Variants in CADPS observed in about 807,000 individuals in gnomAD.
CADPS encodes the protein calcium-dependent secretion activator 1.
CADPS carries 57 observed loss-of-function variants against 167.3 expected under a neutral mutation model. That is an observed-to-expected ratio of 0.34 (90% CI 0.28 to 0.42). The LOEUF is 0.42. Among genes scored for constraint, CADPS ranks in the 20% least tolerant of loss-of-function variants. CADPS has a pLI of 1.00. For missense variants in CADPS, 1,414 were observed against 1,738.1 expected (o/e 0.81, Z 3.32); for synonymous variants, 676 against 635.3 (o/e 1.06, Z -0.96).
intron 6 of CADPS, among the ~76,000 whole-genome samples, chr3:62,633,166 C>T (rs936684158): frequency 1.3e-5 from 2 of 152,156 alleles, no homozygotes; most frequent in South Asian, 2.1e-4. Context: ...GGAAAAAGAG[C>T]GGACAATGGG....
intron 1 of CADPS, among the ~76,000 whole-genome samples, chr3:62,794,747 T>C (rs1477974395): frequency 6.8e-6 from 1 of 146,318 alleles, no homozygotes; most frequent in Non-Finnish European, 1.5e-5. Flanking sequence ...GAGAATCTGT[T>C]GTTCATGTTT....
chr3:62,750,269 T>A (rs1028020161), intron 3 of CADPS, among the ~76,000 whole-genome samples: 9 of 136,290 alleles, frequency 6.6e-5, no homozygotes, highest in African/African-American at 2.2e-4. Flanking sequence ...GAGAATTGCT[T>A]GAACCTGGGA....
At chr3:62,422,176 C>T (rs942321284) in intron 28 of CADPS, among the ~76,000 whole-genome samples, 30 of 152,198 alleles carry the variant, frequency 2.0e-4, no homozygotes, top group African/African-American at 7.2e-4. Context: ...ACGTCCACAT[C>T]CACTTACCCT....
chr3:62,619,156 T>C (rs2062787144), intron 6 of CADPS, among the ~76,000 whole-genome samples: 1 of 152,220 alleles, frequency 6.6e-6, no homozygotes, highest in African/African-American at 2.4e-5. Context: ...GCTTGCAAAG[T>C]TGAAGTATTT....
chr3:62,855,404 T>G (rs2079487018), intron 1 of CADPS, among the ~76,000 whole-genome samples: 1 of 152,120 alleles, frequency 6.6e-6, no homozygotes. Flanking sequence ...ATTTTAAATT[T>G]TTTAAAGTTT....
chr3:62,787,260 A>C (rs1207759942), intron 1 of CADPS, among the ~76,000 whole-genome samples: 4 of 152,144 alleles, frequency 2.6e-5, no homozygotes, highest in South Asian at 2.1e-4. Flanking sequence ...GCACCACTGC[A>C]CTCCAGCCTG....
Position 62,650,828 on chromosome 3 carries a change from AG to A in CADPS, c.1203+18del. 6.3e-7 allele frequency: 1 copy of A among 1,596,826 alleles called. No homozygotes were observed. Among genetic ancestry groups the A allele is most frequent in the Non-Finnish European group, 8.6e-7 (1 of 1,165,390 alleles). On this transcript the variant is annotated intron_variant, in intron 5 of 29. Transcript: ENST00000383710. Reference sequence around the variant, plus strand: ...TACTTGCTGTGCCAAGAAACTTTCAAGGGCTCAGGGCTTTTTACCTCCAATG... The same window carrying A: ...TACTTGCTGTGCCAAGAAACTTTCAAGGCTCAGGGCTTTTTACCTCCAATG...
Position 62,645,752 on chromosome 3 carries a change from T to C in CADPS, c.1295A>G (p.Gln432Arg). 1 of 1,614,180 alleles carries C rather than the reference T, an allele frequency of 6.2e-7. No individual in the cohort carries two copies. The highest frequency in any genetic ancestry group is 8.5e-7 in the Non-Finnish European group (1 of 1,179,990). Residue 432 changes from glutamine to arginine, a missense_variant, in exon 6 of 30, where the codon CAG (glutamine) becomes CGG (arginine). This residue lies in a region of CADPS where 157 missense variants were observed against 229.4 expected (regional missense o/e 0.68). Transcript: ENST00000383710. The stretch of plus-strand genomic sequence containing the variant: ...TTTAGAAGCCTCGGCCTGATCAGTC[T>C]GTAGTTTCTCTCCTCCTTCCACCTC... ...TMEVEGGEKL[Q>R]TDQAEASKPT...
At chr3:62,734,686 T>C (rs1458842555) in intron 3 of CADPS, among the ~76,000 whole-genome samples, 1 of 152,208 alleles carries the variant, frequency 6.6e-6, no homozygotes, top group Non-Finnish European at 1.5e-5. Flanking sequence ...TGTATGGCTA[T>C]GCCATAGTTT....
At chr3:62,459,249 G>T (rs1258901972) in intron 26 of CADPS, among the ~76,000 whole-genome samples, 1 of 152,212 alleles carries the variant, frequency 6.6e-6, no homozygotes, top group Non-Finnish European at 1.5e-5. Flanking sequence ...CTCAGCTCCA[G>T]CATCAGAAGA....
chr3:62,657,215 T>A (rs1331658359), intron 4 of CADPS, among the ~76,000 whole-genome samples: 1 of 152,180 alleles, frequency 6.6e-6, no homozygotes, highest in Admixed American at 6.5e-5. Flanking sequence ...CTTACTGATA[T>A]TTGCAATAGG....
At chr3:62,467,188 C>T (rs2150410964) in intron 24 of CADPS, 1 of 368,670 alleles carries the variant, frequency 2.7e-6, no homozygotes, top group South Asian at 3.8e-5. Context: ...TATATGCCAG[C>T]TCCTTGACAT....
In CADPS at chr3:62,454,398, G is replaced by A. The variant is rs552469168; in HGVS notation, c.3637-8601C>T. Among the ~76,000 whole-genome samples, 321 of 152,222 alleles carry A rather than the reference G, an allele frequency of 2.1e-3. 2 individuals are homozygous for A. Among genetic ancestry groups the A allele is most frequent in the Non-Finnish European group, 2.7e-3 (182 of 68,028 alleles). On this transcript the variant is annotated intron_variant, in intron 26 of 29. Transcript: ENST00000383710. The stretch of plus-strand genomic sequence containing the variant: ...ACTTGTCTTCTTCCTTTATGAATGA[G>A]GAAACTGGGCTCAGAGAGGTTAAGT...
intron 6 of CADPS, among the ~76,000 whole-genome samples, chr3:62,640,521 T>A (rs1676493694): frequency 6.6e-6 from 1 of 152,198 alleles, no homozygotes. Flanking sequence ...TCAGATGAGA[T>A]GTCATTGAAG....
chr3:62,460,921 T>C (rs987874822), intron 26 of CADPS, among the ~76,000 whole-genome samples: 7 of 152,196 alleles, frequency 4.6e-5, no homozygotes, highest in Non-Finnish European at 1.0e-4. Context: ...CCACCTCAAA[T>C]GGATTTATTT....
chr3:62,592,733 A>G lies in CADPS; in HGVS notation c.1341T>C (p.Gly447=), dbSNP rs769299986. ...GCAGTGCATGGGTTGTGGAGAAGTC[A>G]CCCTGGGTGCCCCAGCTGCAGACAG... ...EASKPTWGTQ[G]DFSTTHALPA... Residue 447 remains glycine (G), a synonymous_variant, in exon 7 of 30, where the codon GGT becomes GGC. Transcript: ENST00000383710. 3.0e-5 allele frequency: 49 copies of G among 1,613,812 alleles called. No individual in the cohort carries two copies. Among genetic ancestry groups the G allele is most frequent in the Non-Finnish European group, 3.7e-5 (44 of 1,179,846 alleles).
chr3:62,770,087 G>T, intron 1 of CADPS, among the ~76,000 whole-genome samples: 1 of 152,270 alleles, frequency 6.6e-6, no homozygotes, highest in South Asian at 2.1e-4. Context: ...CAGCACACTG[G>T]TGTCTTTTTT....
chr3:62,812,151 T>C (rs1220599573), intron 1 of CADPS, among the ~76,000 whole-genome samples: 1 of 152,138 alleles, frequency 6.6e-6, no homozygotes, highest in African/African-American at 2.4e-5. Flanking sequence ...CAAAAACAAC[T>C]GGAAGGAGAT....
rs527733695 is a variant in CADPS at position 62,516,013 on chromosome 3, C to A, written c.2581+46G>T. 4 of 1,609,832 alleles carry A rather than the reference C, an allele frequency of 2.5e-6. No individual in the cohort carries two copies. In the South Asian group the frequency reaches 3.3e-5, roughly 13 times the overall value. On this transcript the variant is annotated intron_variant, in intron 16 of 29. Coordinates refer to ENST00000383710, the MANE Select transcript of CADPS (RefSeq NM_003716.4). ...AAAGAGAAAGACTTCCCCAGGGAGG[C>A]ATATCAAAATTTAAATTCAAAACTG...
Sources: gnomAD v4.1 joint callset for allele counts (sites outside exome capture counted in the v4.1 genomes callset) on GRCh38, gnomAD v4.1.1 for gene constraint, gnomAD v4.1.1 regional missense constraint, MANE v1.5 for transcripts, NCBI Gene and HGNC (gene_info 2026-07-23, HGNC 2026-07-21) for gene names.